Variants in SCARF2 observed in about 807,000 individuals in gnomAD.
SCARF2 encodes the protein scavenger receptor class F member 2.
Under a neutral mutation model 73.4 loss-of-function variants are expected in SCARF2, and 39 were observed. The observed-to-expected ratio is 0.53, with a 90% CI of 0.41 to 0.69. SCARF2 has a LOEUF of 0.69. Among genes scored for constraint, SCARF2 ranks in the 30% least tolerant of loss-of-function variants. The pLI is 0.00. For missense variants in SCARF2, 1,148 were observed against 1,303.5 expected (o/e 0.88, Z 1.84); for synonymous variants, 605 against 590.0 (o/e 1.03, Z -0.37).
At position 20,431,992 on chromosome 22, in the gene SCARF2, C is replaced by A; in HGVS notation, c.174-4G>T. 1 of 1,608,886 alleles carries A rather than the reference C, an allele frequency of 6.2e-7. No individual in the cohort carries two copies. Among genetic ancestry groups the A allele is most frequent in the South Asian group, 1.1e-5 (1 of 90,172 alleles). ...GCAGCACGTGGGCACCTGGGAGCTG[C>A]GAGCAGAGGGAGGACATCTAAGCCC... is the stretch of plus-strand genomic sequence containing the variant. On this transcript the variant is annotated splice_region_variant and splice_polypyrimidine_tract_variant and intron_variant, in intron 1 of 10. Transcript: ENST00000622235.
Position 20,425,314 on chromosome 22 carries a change from T to TGGG in SCARF2, c.*60_*61insCCC. On this transcript the variant is annotated 3_prime_UTR_variant, in exon 11 of 11. Transcript: ENST00000622235. The surrounding 1 kb of genome is among the most constrained non-coding windows in gnomAD (Gnocchi z 4.6). Reference sequence around the variant, plus strand: ...CGCCCGTGCCCGGTAGCGTGGGAGGTGTGGGGTGGCGGGCGGCGCTGCGAA... The same window carrying TGGG: ...CGCCCGTGCCCGGTAGCGTGGGAGGTGGGGTGGGGTGGCGGGCGGCGCTGCGAA... 7.8e-7 allele frequency: 1 copy of TGGG among 1,278,508 alleles called. No homozygotes were observed. Among genetic ancestry groups the TGGG allele is most frequent in the Middle Eastern group, 2.9e-4 (1 of 3,416 alleles). The allele number at this position is 1,278,508 out of a possible 1,614,324, so 79.2% of individuals were successfully genotyped here.
At position 20,430,424 on chromosome 22, in the gene SCARF2, C is replaced by T. The variant is rs751299479; in HGVS notation, c.1202+5G>A. ...CCAACCCCCTCCCGGTCCCGGGGCA[C>T]TCACTGGGGCCCGTGGACGCCAGGG... On this transcript the variant is annotated splice_donor_5th_base_variant and intron_variant, in intron 6 of 10. Transcript: ENST00000622235. 1 of 1,587,628 alleles carries T rather than the reference C, an allele frequency of 6.3e-7. No homozygotes were observed. Among genetic ancestry groups the T allele is most frequent in the Non-Finnish European group, 8.6e-7 (1 of 1,167,414 alleles).
In SCARF2 at chr22:20,425,328, C is replaced by G. The variant is rs778314445; in HGVS notation, c.*47G>C. ...AGCGTGGGAGGTGTGGGGTGGCGGG[C>G]GGCGCTGCGAAGCTGAGGGAGCTGC... On this transcript the variant is annotated 3_prime_UTR_variant, in exon 11 of 11. Coordinates refer to ENST00000622235, the MANE Select transcript of SCARF2 (RefSeq NM_182895.5). The surrounding 1 kb of genome is among the most constrained non-coding windows in gnomAD (Gnocchi z 4.6). The G allele has an allele frequency of 2.1e-5, 28 of 1,319,716 alleles. No individual in the cohort carries two copies. The highest frequency in any genetic ancestry group is 2.4e-5 in the Non-Finnish European group (25 of 1,026,418). The allele number at this position is 1,319,716 out of a possible 1,614,324, so 81.8% of individuals were successfully genotyped here.
At chr22:20,436,735 TG>T (rs1489148878) in intron 1 of SCARF2, among the ~76,000 whole-genome samples, 1 of 152,060 alleles carries the variant, frequency 6.6e-6, no homozygotes, top group East Asian at 1.9e-4. Context: ...TCCTCACCCC[TG>T]CGTGGAGATG....
Position 20,430,507 on chromosome 22 carries a change from A to T in SCARF2, c.1124T>A (p.Val375Glu), listed in dbSNP as rs1337383562. 3.7e-6 allele frequency: 6 copies of T among 1,605,332 alleles called. No homozygotes were observed. Among genetic ancestry groups the T allele is most frequent in the African/African-American group, 1.3e-5 (1 of 74,746 alleles). The change falls in exon 6 of 11, where the codon GTG (valine) becomes GAG (glutamate). Residue 375 changes from valine to glutamate, a missense_variant. By Grantham distance (121) the Val-to-Glu change is moderately radical (BLOSUM62 -2). Transcript: ENST00000622235. ...NGTYGEDCAF[V>E]CADCGSGHCD... ...GTGTCCGCTGCCGCAGTCGGCGCAC[A>T]CGAAGGCGCAGTCCTCGCCGTAAGT...
chr22:20,437,678 G>T lies in SCARF2; in HGVS notation c.77C>A (p.Pro26Gln), dbSNP rs2052717182. 1.3e-6 allele frequency: 2 copies of T among 1,490,564 alleles called. No individual in the cohort carries two copies. The allele number at this position is 1,490,564 out of a possible 1,614,324, so 92.3% of individuals were successfully genotyped here. ...GAGGPPSPLL[P>Q]SLLLLLLLWM... The stretch of plus-strand genomic sequence containing the variant: ...GAGCAGCAGCAGCAGCAGCAGCGAC[G>T]GCAGCAGCGGTGACGGCGGCCCCCC... Residue 26 changes from proline (P) to glutamine (Q), a missense_variant, in exon 1 of 11, where the codon CCG becomes CAG. Around this residue, in one of 5 missense-constraint regions of SCARF2, gnomAD observed 124 missense variants for 120.4 expected, o/e 1.03. Coordinates refer to ENST00000622235, the MANE Select transcript of SCARF2 (RefSeq NM_182895.5).
Position 20,425,935 on chromosome 22 carries a change from G to T in SCARF2, c.2041C>A (p.Pro681Thr). ...TCGGAGCCTGGCGGCGGTGGTGAGG[G>T]CGCACGGCCAGCTGCAGCGGCGCTG... ...KHSAAAAGRA[P>T]SPPPPGSEAA... The change falls in exon 11 of 11, where the codon CCC (proline) becomes ACC (threonine). Residue 681 changes from proline (P) to threonine (T), a missense_variant. Coordinates refer to ENST00000622235, the MANE Select transcript of SCARF2 (RefSeq NM_182895.5). The surrounding 1 kb of genome is among the most constrained non-coding windows in gnomAD (Gnocchi z 4.6). 1 of 1,595,890 alleles carries T rather than the reference G, an allele frequency of 6.3e-7. No individual in the cohort carries two copies.
rs752030552 is a variant in SCARF2 at position 20,425,629 on chromosome 22, G to T, written c.2347C>A (p.Arg783Ser). ...ELRGKTRSLG[R>S]AEVALGAQGP... is the part of the protein sequence containing the mutation. Reference sequence around the variant, plus strand: ...TGCGCGCCCAGGGCCACCTCGGCGCGGCCCAGGCTGCGAGTCTTGCCGCGC... The same window carrying T: ...TGCGCGCCCAGGGCCACCTCGGCGCTGCCCAGGCTGCGAGTCTTGCCGCGC... The change falls in exon 11 of 11, where the codon CGC becomes AGC. Residue 783 changes from arginine to serine, a missense_variant. Around this residue, in one of 5 missense-constraint regions of SCARF2, gnomAD observed 169 missense variants for 136.9 expected, o/e 1.23. Coordinates refer to ENST00000622235, the MANE Select transcript of SCARF2 (RefSeq NM_182895.5). The surrounding 1 kb of genome is among the most constrained non-coding windows in gnomAD (Gnocchi z 4.6). The T allele has an allele frequency of 1.5e-6, 2 of 1,309,176 alleles. No homozygotes were observed. The highest frequency in any genetic ancestry group is 4.2e-5 in the South Asian group (2 of 47,864). The allele number at this position is 1,309,176 out of a possible 1,614,324, so 81.1% of individuals were successfully genotyped here. A position where few individuals can be genotyped will look rare whatever the true frequency, so the allele number is the denominator to read the frequency against.
At chr22:20,436,149 C>A (rs1167972639) in intron 1 of SCARF2, among the ~76,000 whole-genome samples, 1 of 152,250 alleles carries the variant, frequency 6.6e-6, no homozygotes, top group Non-Finnish European at 1.5e-5. Context: ...CCCAGGTCCA[C>A]ACAGCTGGGT....
chr22:20,429,341 C>T lies in SCARF2; in HGVS notation c.1425-1G>A. 6.9e-7 allele frequency: 1 copy of T among 1,445,738 alleles called. No individual in the cohort carries two copies. Among genetic ancestry groups the T allele is most frequent in the East Asian group, 3.0e-5 (1 of 33,468 alleles). 89.6% of individuals were successfully genotyped at this position (1,445,738 alleles called of 1,614,324 possible). ...CTTCTTCCTCCCAAGCGAAAGCTCC[C>T]TGCGGGGGCGGGGTCTGAGCGGAGG... On this transcript the variant is annotated splice_acceptor_variant, in intron 8 of 10. Coordinates refer to ENST00000622235, the MANE Select transcript of SCARF2 (RefSeq NM_182895.5). LOFTEE classifies it high-confidence loss of function. This position sits in a 1 kb window ranked among gnomAD's most constrained non-coding sequence, Gnocchi z 5.2.
chr22:20,428,703 G>A (rs2052607727), intron 9 of SCARF2, among the ~76,000 whole-genome samples: 1 of 152,140 alleles, frequency 6.6e-6, no homozygotes, highest in Non-Finnish European at 1.5e-5. Flanking sequence ...GGAAGAGAGG[G>A]TCCACCCAGG....
In SCARF2 at chr22:20,425,830, T is replaced by C; in HGVS notation, c.2146A>G (p.Thr716Ala). Residue 716 changes from threonine to alanine, a missense_variant, in exon 11 of 11, where the codon ACC (threonine) becomes GCC (alanine). Around this residue, in one of 5 missense-constraint regions of SCARF2, gnomAD observed 437 missense variants for 433.6 expected, o/e 1.01. Transcript: ENST00000622235. This position sits in a 1 kb window ranked among gnomAD's most constrained non-coding sequence, Gnocchi z 4.6. Reference sequence around the variant, plus strand: ...GGGGGCCGCGGCGTTGGGTCGCGGGTCCGGGGGCTGCCGTGTTCGACCGTA... The same window carrying C: ...GGGGGCCGCGGCGTTGGGTCGCGGGCCCGGGGGCTGCCGTGTTCGACCGTA... ...AHTVEHGSPRTRDPTPRPPGL... is the reference protein window; with the variant it reads ...AHTVEHGSPRARDPTPRPPGL... The C allele has an allele frequency of 1.3e-6, 2 of 1,561,762 alleles. No individual in the cohort carries two copies. Among genetic ancestry groups the C allele is most frequent in the South Asian group, 1.2e-5 (1 of 86,158 alleles).
At position 20,425,683 on chromosome 22, in the gene SCARF2, C is replaced by G. The variant is rs1601293415; in HGVS notation, c.2293G>C (p.Glu765Gln). Residue 765 changes from glutamate to glutamine, a missense_variant, in exon 11 of 11, where the codon GAG (glutamate) becomes CAG (glutamine). By Grantham distance (29) the Glu-to-Gln change is conservative. This residue lies in a region of SCARF2 where 46 missense variants were observed against 80.6 expected (regional missense o/e 0.57). Coordinates refer to ENST00000622235, the MANE Select transcript of SCARF2 (RefSeq NM_182895.5). This position sits in a 1 kb window ranked among gnomAD's most constrained non-coding sequence, Gnocchi z 4.6. ...DAGGPPRSAP[E>Q]AASMLAAELR... Reference sequence around the variant, plus strand: ...TCAGCGGCCAACATGGAGGCAGCCTCGGGCGCGCTTCGCGGGGGACCGCCG... The same window carrying G: ...TCAGCGGCCAACATGGAGGCAGCCTGGGGCGCGCTTCGCGGGGGACCGCCG... 22 of 1,239,152 alleles carry G rather than the reference C, an allele frequency of 1.8e-5. No individual in the cohort carries two copies. In the South Asian group the frequency reaches 7.3e-4, roughly 41 times the overall value. 76.8% of individuals were successfully genotyped at this position (1,239,152 alleles called of 1,614,324 possible). A position where few individuals can be genotyped will look rare whatever the true frequency, so the allele number is the denominator to read the frequency against.
intron 1 of SCARF2, among the ~76,000 whole-genome samples, chr22:20,434,573 G>A (rs1475395975): frequency 6.6e-6 from 1 of 152,208 alleles, no homozygotes. Flanking sequence ...AAAAGGCCGG[G>A]TGGTGGTGGC....
At chr22:20,434,638 A>C (rs2052680664) in intron 1 of SCARF2, among the ~76,000 whole-genome samples, 1 of 152,220 alleles carries the variant, frequency 6.6e-6, no homozygotes. Flanking sequence ...GGCCTGCTGC[A>C]GGGCTGCTCC....
rs978883346 is a variant in SCARF2 at position 20,429,625 on chromosome 22, G to A, written c.1335C>T (p.Gly445=). ...CGAGCAGGACGAGCAGCGCGCCCGC[G>A]CCCATCACGCCCTTGCGCTGGTTGG... ...LETNQRKGVM[G]AGALLVLLVC... Residue 445 remains glycine, a synonymous_variant, in exon 8 of 11, where the codon GGC becomes GGT. Transcript: ENST00000622235. The surrounding 1 kb of genome is among the most constrained non-coding windows in gnomAD (Gnocchi z 5.2). The A allele has an allele frequency of 2.5e-6, 4 of 1,613,834 alleles. No individual in the cohort carries two copies. Among genetic ancestry groups the A allele is most frequent in the Non-Finnish European group, 3.4e-6 (4 of 1,179,934 alleles).
In SCARF2 at chr22:20,426,289, A is replaced by G. The variant is rs964416373; in HGVS notation, c.1694-7T>C. The G allele has an allele frequency of 6.5e-7, 1 of 1,532,962 alleles. No homozygotes were observed. The allele number at this position is 1,532,962 out of a possible 1,614,324, so 95.0% of individuals were successfully genotyped here. ...CGGCTCTCCGCTGGTGCCTCTGGCAAGGGAAGAGCAGGGCGGTCACAGCCT... is the reference window on the plus strand; with the variant it reads ...CGGCTCTCCGCTGGTGCCTCTGGCAGGGGAAGAGCAGGGCGGTCACAGCCT... On this transcript the variant is annotated splice_region_variant and splice_polypyrimidine_tract_variant and intron_variant, in intron 10 of 10. Coordinates refer to ENST00000622235, the MANE Select transcript of SCARF2 (RefSeq NM_182895.5).
At chr22:20,431,662 C>A in intron 3 of SCARF2, 83 bp downstream of exon 3, 1 of 1,533,146 alleles carries the variant, frequency 6.5e-7, no homozygotes, top group Non-Finnish European at 8.8e-7. Context: ...GAAGGCGGAT[C>A]CGACCCCGCC....
chr22:20,429,312 G>C lies in SCARF2; in HGVS notation c.1453C>G (p.Pro485Ala). 1 of 1,613,070 alleles carries C rather than the reference G, an allele frequency of 6.2e-7. No homozygotes were observed. Among genetic ancestry groups the C allele is most frequent in the Non-Finnish European group, 8.5e-7 (1 of 1,179,884 alleles). ...CTGAAGCGCCCGCATAGTCGGTGCG[G>C]CGCCTTCTTCCTCCCAAGCGAAAGC... Reference protein sequence around the residue: ...RELSLGRKKAPHRLCGRFSRI... With the variant: ...RELSLGRKKAAHRLCGRFSRI... Residue 485 changes from proline (P) to alanine (A), a missense_variant, in exon 9 of 11, where the codon CCG becomes GCG. Coordinates refer to ENST00000622235, the MANE Select transcript of SCARF2 (RefSeq NM_182895.5). This position sits in a 1 kb window ranked among gnomAD's most constrained non-coding sequence, Gnocchi z 5.2.
Sources: gnomAD v4.1 joint callset for allele counts (sites outside exome capture counted in the v4.1 genomes callset) on GRCh38, gnomAD v4.1.1 for gene constraint, gnomAD v4.1.1 regional missense constraint, Gnocchi (gnomAD v3.1) non-coding constraint, MANE v1.5 for transcripts, NCBI Gene and HGNC (gene_info 2026-07-23, HGNC 2026-07-21) for gene names.